The following VAV2 variants were observed in gnomAD, a reference collection of about 807,000 sequenced individuals.
VAV2 encodes the protein vav guanine nucleotide exchange factor 2, also known as guanine nucleotide exchange factor VAV2.
In VAV2, 67 loss-of-function variants were observed where a neutral mutation model predicts 132.5. The observed-to-expected ratio is 0.51, with a 90% CI of 0.42 to 0.62. The LOEUF (loss-of-function observed/expected upper bound fraction) is 0.62. Ranked by LOEUF, VAV2 falls within the 20% of genes least tolerant of loss-of-function variation. The pLI is 0.00. For synonymous variants in VAV2, 492 were observed against 443.5 expected (o/e 1.11, Z -1.37); for missense variants, 938 against 1,153.6 (o/e 0.81, Z 2.71).
chr9:133,830,867 A>C (rs1430473211), intron 4 of VAV2, among the ~76,000 whole-genome samples: 5 of 152,158 alleles, frequency 3.3e-5, no homozygotes, highest in Admixed American at 3.3e-4. Context: ...AAACAACATA[A>C]AAAATTTATT....
chr9:133,789,463 C>A, intron 13 of VAV2, 120 bp from the exon 14 acceptor site: 1 of 892,166 alleles, frequency 1.1e-6, no homozygotes, highest in African/African-American at 1.6e-5. Flanking sequence ...AGAGGCGGGA[C>A]GAAGGGAAAC....
chr9:133,805,218 C>T (rs1326974121), intron 9 of VAV2, among the ~76,000 whole-genome samples: 1 of 152,148 alleles, frequency 6.6e-6, no homozygotes, highest in Non-Finnish European at 1.5e-5. Flanking sequence ...TGGTAAGATG[C>T]ACCTGTGGGG....
intron 6 of VAV2, 152 bp from the exon 7 acceptor site, chr9:133,809,290 G>A: frequency 1.6e-6 from 1 of 618,682 alleles, no homozygotes; most frequent in South Asian, 2.1e-5. Context: ...CAGCCAGATG[G>A]GTGACAGAGA....
rs980603922 is a variant in VAV2 at position 133,788,043 on chromosome 9, A to C, written c.1407+311T>G. Among the ~76,000 whole-genome samples, 1 of 152,180 alleles carries C rather than the reference A, an allele frequency of 6.6e-6. No individual in the cohort carries two copies. The highest frequency in any genetic ancestry group is 2.4e-5 in the African/African-American group (1 of 41,442). On this transcript the variant is annotated intron_variant, in intron 15 of 29. Coordinates refer to ENST00000371850, the MANE Select transcript of VAV2 (RefSeq NM_001134398.2). The surrounding 1 kb of genome is among the most constrained non-coding windows in gnomAD (Gnocchi z 5.3). ...AGCCAAGGTTGAAAGTCCCACCCTC[A>C]CTAGAGGCCTTGGGGTGGCCTCTCC...
chr9:133,854,135 C>T (rs1347977437), intron 3 of VAV2, among the ~76,000 whole-genome samples: 4 of 97,142 alleles, frequency 4.1e-5, no homozygotes, highest in Non-Finnish European at 8.2e-5. Flanking sequence ...CACACACACA[C>T]CCCTTGCACC....
At chr9:133,987,648 G>A (rs1364260520) in intron 1 of VAV2, among the ~76,000 whole-genome samples, 3 of 152,150 alleles carry the variant, frequency 2.0e-5, no homozygotes, top group Admixed American at 1.3e-4. Context: ...TTACGAGGAG[G>A]AGGCCACCAG....
intron 5 of VAV2, among the ~76,000 whole-genome samples, chr9:133,811,087 G>A (rs1360831814): frequency 2.6e-5 from 4 of 152,236 alleles, no homozygotes; most frequent in Non-Finnish European, 5.9e-5. Context: ...GGCTCCCCGG[G>A]AAGGCAAACT....
intron 9 of VAV2, among the ~76,000 whole-genome samples, chr9:133,798,220 G>A (rs554822609): frequency 6.4e-4 from 98 of 152,328 alleles, no homozygotes; most frequent in African/African-American, 2.1e-3. Context: ...CCTGAGCACC[G>A]AGGCCTGCAC....
At chr9:133,785,750 C>G (rs765559032) in intron 17 of VAV2, 26 bp downstream of exon 17, 24 of 1,608,406 alleles carry the variant, frequency 1.5e-5, no homozygotes, top group South Asian at 3.3e-5. Context: ...TGCCAGGGAC[C>G]TGGGGGCTGC....
intron 2 of VAV2, among the ~76,000 whole-genome samples, chr9:133,865,945 T>A (rs1038565136): frequency 2.0e-5 from 3 of 152,212 alleles, no homozygotes; most frequent in African/African-American, 7.2e-5. Flanking sequence ...GCAGGGTGTA[T>A]CCTGCCAGAG....
At chr9:133,903,974 A>G (rs1400407978) in intron 2 of VAV2, among the ~76,000 whole-genome samples, 1 of 152,244 alleles carries the variant, frequency 6.6e-6, no homozygotes, top group Admixed American at 6.5e-5. Flanking sequence ...AGCAAATTAA[A>G]TATTTAAGTA....
intron 13 of VAV2, 36 bp from the exon 14 acceptor site, chr9:133,789,379 G>A: frequency 1.2e-6 from 2 of 1,605,514 alleles, no homozygotes; most frequent in Non-Finnish European, 1.7e-6. Context: ...GCCGGGGCTG[G>A]AGCAGCCCCA....
At chr9:133,874,199 G>A (rs745494775) in intron 2 of VAV2, among the ~76,000 whole-genome samples, 3 of 152,238 alleles carry the variant, frequency 2.0e-5, no homozygotes, top group Admixed American at 6.5e-5. Context: ...CAAGGTTTCT[G>A]AGTGGGGGCC....
chr9:133,963,503 GCCGACAGGCAGCT>G (rs1588180840), intron 1 of VAV2, among the ~76,000 whole-genome samples: 1 of 152,208 alleles, frequency 6.6e-6, no homozygotes, highest in African/African-American at 2.4e-5. Context: ...GTCCAGTCGT[GCCGACAGGCAGCT>G]CTCAGGGTGG....
rs540928280 is a variant in VAV2 at position 133,960,922 on chromosome 9, C to T, written c.205-21703G>A. 3.3e-5 allele frequency among the ~76,000 whole-genome samples: 5 copies of T among 152,324 alleles called. No homozygotes were observed. The South Asian group carries it at 1.0e-3, about 32-fold the overall frequency. ...GGCCGTCATGGGAAGGGTGCTCGAG[C>T]CGGCCTTGGAGAAGCCCAGGAGGAT... On this transcript the variant is annotated intron_variant, in intron 1 of 29. Coordinates refer to ENST00000371850, the MANE Select transcript of VAV2 (RefSeq NM_001134398.2).
intron 1 of VAV2, among the ~76,000 whole-genome samples, chr9:133,948,710 G>A (rs185772238): frequency 1.2e-4 from 19 of 152,338 alleles, no homozygotes; most frequent in Admixed American, 6.5e-4. Flanking sequence ...AACAACGTCC[G>A]GTGGCTCTTC....
At chr9:133,974,473 C>T (rs1235909553) in intron 1 of VAV2, among the ~76,000 whole-genome samples, 1 of 152,184 alleles carries the variant, frequency 6.6e-6, no homozygotes, top group Non-Finnish European at 1.5e-5. Context: ...CGTTTGCTAC[C>T]TGCTTTTGCG....
intron 9 of VAV2, among the ~76,000 whole-genome samples, chr9:133,800,436 C>T (rs377026263): frequency 8.1e-4 from 124 of 152,296 alleles, no homozygotes; most frequent in African/African-American, 2.5e-3. Flanking sequence ...GGGTCCTGCC[C>T]GCATGGAGCC....
chr9:133,954,841 G>A lies in VAV2; in HGVS notation c.205-15622C>T, dbSNP rs533922001. Among the ~76,000 whole-genome samples the A allele has an allele frequency of 6.6e-5, 10 of 152,268 alleles. No individual in the cohort carries two copies. In the East Asian group the frequency reaches 9.6e-4, roughly 15 times the overall value. ...TATGTGCAGTGTGTGTCTGCATTAC[G>A]ATAAATAAAGCTAAGCAAAAATACA... On this transcript the variant is annotated intron_variant, in intron 1 of 29. Coordinates refer to ENST00000371850, the MANE Select transcript of VAV2 (RefSeq NM_001134398.2).
Sources: allele counts gnomAD v4.1 joint callset (sites outside exome capture counted in the v4.1 genomes callset), GRCh38; gene constraint gnomAD v4.1.1; non-coding constraint Gnocchi (gnomAD v3.1); transcripts MANE v1.5; gene names NCBI Gene and HGNC (gene_info 2026-07-23, HGNC 2026-07-21).